MDGA1: variants seen among roughly 807,000 people sequenced by gnomAD.
The protein encoded by MDGA1 is MAM domain containing glycosylphosphatidylinositol anchor 1, also known as MAM domain-containing glycosylphosphatidylinositol anchor protein 1.
In MDGA1, 54 loss-of-function variants were observed where a neutral mutation model predicts 101.5. The ratio of observed to expected loss-of-function variants is 0.53; its 90% CI spans 0.43 to 0.67. MDGA1 has a LOEUF of 0.67. MDGA1 is among the 30% of genes least tolerant of loss of function. The pLI, the probability that MDGA1 is intolerant of heterozygous loss-of-function variation, is 0.00. For missense variants in MDGA1, 1,083 were observed against 1,323.8 expected, an observed-to-expected ratio of 0.82 and a Z score of 2.82; for synonymous variants, 533 against 558.3, an observed-to-expected ratio of 0.95 and a Z score of 0.64.
intron 1 of MDGA1, among the ~76,000 whole-genome samples, chr6:37,690,968 C>A (rs1245747056): frequency 6.6e-6 from 1 of 152,078 alleles, no homozygotes; most frequent in East Asian, 1.9e-4. Context: ...AAGGCCAGTT[C>A]AAATGCTCTC....
intron 3 of MDGA1, among the ~76,000 whole-genome samples, 192 bp downstream of exon 3, chr6:37,658,053 A>T (rs1761531613): frequency 6.6e-6 from 1 of 152,216 alleles, no homozygotes; most frequent in Admixed American, 6.5e-5. Flanking sequence ...CAAGGTTCAT[A>T]TGAGATTACA....
At chr6:37,646,740 G>A (rs1761209465) in intron 10 of MDGA1, among the ~76,000 whole-genome samples, 1 of 152,090 alleles carries the variant, frequency 6.6e-6, no homozygotes, top group South Asian at 2.1e-4. Context: ...TCACCTCTTG[G>A]GCTGAGCAGA....
Position 37,696,770 on chromosome 6 carries a change from GA to G in MDGA1, c.41del (p.Phe14SerfsTer25). 1 of 1,584,958 alleles carries G rather than the reference GA, an allele frequency of 6.3e-7. No individual in the cohort carries two copies. Among genetic ancestry groups the G allele is most frequent in the Non-Finnish European group, 8.6e-7 (1 of 1,165,014 alleles). On this transcript the variant is annotated frameshift_variant, in exon 1 of 17. Coordinates refer to ENST00000434837, the MANE Select transcript of MDGA1 (RefSeq NM_153487.4). LOFTEE classifies it high-confidence loss of function. The surrounding 1 kb of genome is among the most constrained non-coding windows in gnomAD (Gnocchi z 5.6). ...CGTAGACTCCTTGTCCCCGGCAGTG[GA>G]AGGGGATCAGCGCCAGAAGTAGAAG... Reference protein sequence around the residue: ...TCLLLLALIPFHCRGQGVYAP... With the variant: ...TCLLLLALIPXHCRGQGVYAP...
At chr6:37,645,836 T>C (rs539249255) in intron 12 of MDGA1, 97 bp downstream of exon 12, 22 of 1,412,106 alleles carry the variant, frequency 1.6e-5, no homozygotes, top group African/African-American at 1.6e-4. Flanking sequence ...ATTTTCTCTC[T>C]GACTATCTCA....
At position 37,697,728 on chromosome 6, in the gene MDGA1, G is replaced by T. The variant is rs1192746832; in HGVS notation, c.-917C>A. 6.7e-6 allele frequency: 1 copy of T among 149,840 alleles called. No individual in the cohort carries two copies. The highest frequency in any genetic ancestry group is 1.5e-5 in the Non-Finnish European group (1 of 67,346). The allele number at this position is 149,840 out of a possible 1,614,324, so 9.3% of individuals were successfully genotyped here. A position where few individuals can be genotyped will look rare whatever the true frequency, so the allele number is the denominator to read the frequency against. On this transcript the variant is annotated 5_prime_UTR_variant, in exon 1 of 17. Transcript: ENST00000434837. ...CGAGCTCTCGGGAGAGCGGGGCTAC[G>T]CCGCGCCCCAAGTTGGTCGTCCCCG...
At chr6:37,671,002 G>C (rs1359565218) in intron 1 of MDGA1, among the ~76,000 whole-genome samples, 1 of 152,130 alleles carries the variant, frequency 6.6e-6, no homozygotes, top group Non-Finnish European at 1.5e-5. Flanking sequence ...CACCATATTA[G>C]TGGATAGAAA....
At position 37,637,394 on chromosome 6, in the gene MDGA1, T is replaced by C. The variant is rs1295804123; in HGVS notation, c.2842A>G (p.Ile948Val). The C allele has an allele frequency of 1.9e-6, 3 of 1,613,636 alleles. No individual in the cohort carries two copies. The highest frequency in any genetic ancestry group is 1.7e-6 in the Non-Finnish European group (2 of 1,179,724). ...CATCTCTGCAACGCCAAGAGGAAGA[T>C]GGCCATGGGCCCCCACAGCTGTGGG... Reference protein sequence around the residue: ...SSPQLWGPMAIFLLALQR With the variant: ...SSPQLWGPMAVFLLALQR Residue 948 changes from isoleucine to valine, a missense_variant, in exon 17 of 17, where the codon ATC becomes GTC. By Grantham distance (29) the Ile-to-Val change is conservative. Transcript: ENST00000434837.
chr6:37,685,568 C>T (rs146190829), intron 1 of MDGA1, among the ~76,000 whole-genome samples: 54 of 152,308 alleles, frequency 3.5e-4, no homozygotes, highest in African/African-American at 8.9e-4. Context: ...ACAGCCCATC[C>T]GTCTCTGTTC....
chr6:37,637,265 C>T lies in MDGA1; in HGVS notation c.*103G>A. The T allele has an allele frequency of 1.1e-6, 1 of 934,090 alleles. No homozygotes were observed. The highest frequency in any genetic ancestry group is 1.5e-5 in the South Asian group (1 of 64,874). 57.9% of individuals were successfully genotyped at this position (934,090 alleles called of 1,614,324 possible). On this transcript the variant is annotated 3_prime_UTR_variant, in exon 17 of 17. Coordinates refer to ENST00000434837, the MANE Select transcript of MDGA1 (RefSeq NM_153487.4). ...GCAGGCCCCCTCCCTGGCGGGCCGGCCCTGCCCCTGGGCACCCCAGCTGGC... is the reference window on the plus strand; with the variant it reads ...GCAGGCCCCCTCCCTGGCGGGCCGGTCCTGCCCCTGGGCACCCCAGCTGGC...
rs1030462241 is a variant in MDGA1 at position 37,633,554 on chromosome 6, C to G, written c.*3814G>C. On this transcript the variant is annotated 3_prime_UTR_variant, in exon 17 of 17. Transcript: ENST00000434837. ...CAGGGGAGAGGAGGGGAAACAGGGT[C>G]TCTTCTGTCTGGGGGCCTGGGAGAA... 2 of 152,334 alleles carry G rather than the reference C, an allele frequency of 1.3e-5. No individual in the cohort carries two copies. The highest frequency in any genetic ancestry group is 4.8e-5 in the African/African-American group (2 of 41,458). 9.4% of individuals were successfully genotyped at this position (152,334 alleles called of 1,614,324 possible). A position where few individuals can be genotyped will look rare whatever the true frequency, so the allele number is the denominator to read the frequency against.
intron 1 of MDGA1, among the ~76,000 whole-genome samples, chr6:37,686,810 G>T (rs537163341): frequency 1.3e-5 from 2 of 152,184 alleles, no homozygotes; most frequent in Admixed American, 1.3e-4. Flanking sequence ...AGCAGAGCAC[G>T]AAGATGAAAG....
At chr6:37,672,191 T>C (rs934436064) in intron 1 of MDGA1, among the ~76,000 whole-genome samples, 13 of 150,590 alleles carry the variant, frequency 8.6e-5, no homozygotes, top group Non-Finnish European at 1.8e-4. Flanking sequence ...TGCCTCATGC[T>C]TGTAATCCCA....
In MDGA1 at chr6:37,650,408, G is replaced by A; in HGVS notation, c.1313-3C>T. The A allele has an allele frequency of 1.3e-6, 2 of 1,536,006 alleles. No homozygotes were observed. The highest frequency in any genetic ancestry group is 8.8e-7 in the Non-Finnish European group (1 of 1,139,068). ...GGGCACACTGATGGTGGGCGGCACT[G>A]TGGGGGTGATGGTGATCAGCGGAGA... On this transcript the variant is annotated splice_polypyrimidine_tract_variant and splice_region_variant and intron_variant, in intron 7 of 16. Transcript: ENST00000434837.
chr6:37,652,058 G>T lies in MDGA1; in HGVS notation c.1265C>A (p.Ala422Glu), dbSNP rs912212093. The part of the protein sequence containing the change: ...TYLCMASFPG[A>E]PVPDLSVEVN... ...CTCGACGCTGAGGTCGGGCACGGGT[G>T]CCCCTGGGAAAGAAGCCATGCACAG... Residue 422 changes from alanine to glutamate, a missense_variant, in exon 7 of 17, where the codon GCA becomes GAA. Coordinates refer to ENST00000434837, the MANE Select transcript of MDGA1 (RefSeq NM_153487.4). This position sits in a 1 kb window ranked among gnomAD's most constrained non-coding sequence, Gnocchi z 4.3. 4 of 1,611,540 alleles carry T rather than the reference G, an allele frequency of 2.5e-6. No individual in the cohort carries two copies. Among genetic ancestry groups the T allele is most frequent in the Non-Finnish European group, 3.4e-6 (4 of 1,179,298 alleles).
chr6:37,642,162 T>TAC (rs1186291820), intron 14 of MDGA1, among the ~76,000 whole-genome samples: 2 of 142,762 alleles, frequency 1.4e-5, no homozygotes, highest in Non-Finnish European at 3.0e-5. Flanking sequence ...TATATATATA[T>TAC]ATGTACTGGT....
At position 37,652,330 on chromosome 6, in the gene MDGA1, G is replaced by A. The variant is rs566670245; in HGVS notation, c.993C>T (p.Asn331=). Residue 331 remains asparagine (N), a synonymous_variant, in exon 7 of 17, where the codon AAC becomes AAT. Coordinates refer to ENST00000434837, the MANE Select transcript of MDGA1 (RefSeq NM_153487.4). The surrounding 1 kb of genome is among the most constrained non-coding windows in gnomAD (Gnocchi z 4.3). ...CGTCAGGAGTGATCTGGAATGTAGC[G>A]TTCTTCATGGCTGTGAGTGGATGGG... is the stretch of plus-strand genomic sequence containing the variant. The part of the protein sequence containing the change: ...TVNLLVRSMK[N]ATFQITPDVI... 5.4e-5 allele frequency: 87 copies of A among 1,607,966 alleles called. 1 individual carries two copies. In the South Asian group the frequency reaches 8.6e-4, roughly 16 times the overall value.
chr6:37,639,845 G>T (rs1407669805), intron 14 of MDGA1: 1 of 152,170 alleles, frequency 6.6e-6, no homozygotes, highest in East Asian at 1.9e-4. Flanking sequence ...ATGAATAGAT[G>T]GATGAATAAA....
chr6:37,649,386 A>C, intron 8 of MDGA1, 120 bp from the exon 9 acceptor site: 1 of 1,383,512 alleles, frequency 7.2e-7, no homozygotes, highest in South Asian at 1.6e-5. Context: ...GAAAAATCCC[A>C]GGGCGGATGC....
intron 14 of MDGA1, among the ~76,000 whole-genome samples, chr6:37,641,491 C>G (rs1764080359): frequency 6.6e-6 from 1 of 152,170 alleles, no homozygotes; most frequent in Admixed American, 6.5e-5. Flanking sequence ...GGCAAATGGG[C>G]TGAGCACCCC....
Sources: allele counts gnomAD v4.1 joint callset (sites outside exome capture counted in the v4.1 genomes callset), GRCh38; gene constraint gnomAD v4.1.1; non-coding constraint Gnocchi (gnomAD v3.1); transcripts MANE v1.5; gene names NCBI Gene and HGNC (gene_info 2026-07-23, HGNC 2026-07-21).